Variants in IQCM observed in about 807,000 individuals in gnomAD.
IQCM encodes the protein IQ domain-containing protein M.
IQCM carries 45 observed loss-of-function variants against 57.6 expected under a neutral mutation model. The observed-to-expected ratio is 0.78, with a 90% CI of 0.62 to 1.00. The LOEUF is 1.00. IQCM is among the 50% of genes least tolerant of loss of function. IQCM has a pLI of 0.00. For missense variants in IQCM, 468 were observed against 511.6 expected (o/e 0.91, Z 0.82); for synonymous variants, 148 against 158.9 (o/e 0.93, Z 0.51).
In IQCM at chr4:149,682,120, G is replaced by C; in HGVS notation, c.563C>G (p.Pro188Arg). The C allele has an allele frequency of 4.2e-6, 5 of 1,187,532 alleles. No homozygotes were observed. In the South Asian group the frequency reaches 1.7e-4, roughly 41 times the overall value. The allele number at this position is 1,187,532 out of a possible 1,614,324, so 73.6% of individuals were successfully genotyped here. A position where few individuals can be genotyped will look rare whatever the true frequency, so the allele number is the denominator to read the frequency against. ...GTSNLELLKE[P>R]DKAFYDWRGF... ...CAACATTTATGTATAAGACTCACCAGGTTCTTTCAGAAGTTCCAAGTTAGA... is the reference window on the plus strand; with the variant it reads ...CAACATTTATGTATAAGACTCACCACGTTCTTTCAGAAGTTCCAAGTTAGA... The change falls in exon 7 of 14, where the codon CCT becomes CGT. Residue 188 changes from proline (P) to arginine (R), a missense_variant and splice_region_variant. Coordinates refer to ENST00000636793, the MANE Select transcript of IQCM (RefSeq NM_001363507.2).
intron 8 of IQCM, among the ~76,000 whole-genome samples, chr4:149,596,497 G>A (rs1418668381): frequency 6.6e-6 from 1 of 151,946 alleles, no homozygotes; most frequent in African/African-American, 2.4e-5. Flanking sequence ...GGTAAACATT[G>A]GAACCCAGAG....
chr4:149,803,323 T>C (rs1773780463), intron 2 of IQCM, among the ~76,000 whole-genome samples: 1 of 152,046 alleles, frequency 6.6e-6, no homozygotes, highest in Non-Finnish European at 1.5e-5. Flanking sequence ...TTCCACCATA[T>C]GCATATTACA....
intron 12 of IQCM, among the ~76,000 whole-genome samples, chr4:149,517,470 T>A (rs1437922520): frequency 6.6e-6 from 1 of 152,200 alleles, no homozygotes; most frequent in Non-Finnish European, 1.5e-5. Context: ...GTTGTATTGT[T>A]AGGCATAATT....
intron 7 of IQCM, among the ~76,000 whole-genome samples, chr4:149,637,096 T>C (rs1218290084): frequency 6.8e-6 from 1 of 148,148 alleles, no homozygotes; most frequent in African/African-American, 2.5e-5. Context: ...TGAGCCGAGA[T>C]TGCGCCACTG....
chr4:149,448,383 T>C (rs1460464222), intron 12 of IQCM, among the ~76,000 whole-genome samples: 1 of 151,554 alleles, frequency 6.6e-6, no homozygotes, highest in Non-Finnish European at 1.5e-5. Flanking sequence ...ATAGTACAAA[T>C]GCCTATATTA....
chr4:149,688,413 T>C (rs1687467381), intron 5 of IQCM, among the ~76,000 whole-genome samples: 1 of 151,932 alleles, frequency 6.6e-6, no homozygotes, highest in African/African-American at 2.4e-5. Flanking sequence ...AAAAGACCTC[T>C]ACAAGGAAAA....
intron 7 of IQCM, among the ~76,000 whole-genome samples, chr4:149,677,979 G>A (rs1331607513): frequency 6.6e-6 from 1 of 151,300 alleles, no homozygotes; most frequent in Admixed American, 6.6e-5. Context: ...GAAAATACAT[G>A]GAGAAGAAAA....
chr4:149,499,146 T>A (rs1742980124), intron 12 of IQCM, among the ~76,000 whole-genome samples: 1 of 152,132 alleles, frequency 6.6e-6, no homozygotes, highest in Admixed American at 6.6e-5. Flanking sequence ...TATTCAATTT[T>A]CCAAAAGTCC....
intron 7 of IQCM, among the ~76,000 whole-genome samples, chr4:149,680,470 C>G (rs1762098720): frequency 6.6e-6 from 1 of 150,962 alleles, no homozygotes; most frequent in Non-Finnish European, 1.5e-5. Flanking sequence ...TTTTCTTTAA[C>G]AGTTATTGAG....
chr4:149,432,920 G>T (rs1735005001), intron 13 of IQCM, among the ~76,000 whole-genome samples: 2 of 151,894 alleles, frequency 1.3e-5, no homozygotes, highest in South Asian at 2.1e-4. Context: ...ACCACAAAAA[G>T]CTACCAATAT....
At chr4:149,769,101 A>G (rs965383853) in intron 2 of IQCM, among the ~76,000 whole-genome samples, 1 of 152,098 alleles carries the variant, frequency 6.6e-6, no homozygotes, top group Non-Finnish European at 1.5e-5. Context: ...AATTATTATT[A>G]TAAGTATCAC....
intron 12 of IQCM, among the ~76,000 whole-genome samples, chr4:149,545,783 T>A (rs1329460081): frequency 1.3e-5 from 2 of 151,878 alleles, no homozygotes; most frequent in African/African-American, 4.8e-5. Flanking sequence ...GCAACCTAAG[T>A]GCCTGTCAAC....
chr4:149,742,557 AGT>A (rs1767555498), intron 3 of IQCM, 96 bp downstream of exon 3: 37 of 589,220 alleles, frequency 6.3e-5, no homozygotes, highest in Non-Finnish European at 9.0e-5. Flanking sequence ...TGTGCCAATA[AGT>A]GTAGTGCTCT....
intron 12 of IQCM, among the ~76,000 whole-genome samples, chr4:149,459,092 G>C (rs1738004554): frequency 6.6e-6 from 1 of 152,172 alleles, no homozygotes; most frequent in Non-Finnish European, 1.5e-5. Context: ...TGACTGTGCT[G>C]ACACAACAAT....
chr4:149,646,944 A>G (rs1262857130), intron 7 of IQCM, among the ~76,000 whole-genome samples: 1 of 152,156 alleles, frequency 6.6e-6, no homozygotes, highest in African/African-American at 2.4e-5. Flanking sequence ...GGATAGCACA[A>G]CTGCACTCCA....
chr4:149,504,388 T>A lies in IQCM; in HGVS notation c.1228+44067A>T, dbSNP rs1579289700. On this transcript the variant is annotated intron_variant, in intron 12 of 13. Coordinates refer to ENST00000636793, the MANE Select transcript of IQCM (RefSeq NM_001363507.2). The stretch of plus-strand genomic sequence containing the variant: ...TAATAAATATTTACTGATTACAAAT[T>A]ATGTGTCAGGTACTATTCTAAATGG... 2.0e-5 allele frequency among the ~76,000 whole-genome samples: 3 copies of A among 152,268 alleles called. No homozygotes were observed. In the South Asian group the frequency reaches 6.2e-4, roughly 32 times the overall value.
chr4:149,742,515 A>T (rs1767552537), intron 3 of IQCM, 140 bp downstream of exon 3: 4 of 468,886 alleles, frequency 8.5e-6, no homozygotes, highest in Middle Eastern at 5.7e-4. Context: ...GGTTATTTTT[A>T]AATAAAGGGA....
At chr4:149,777,617 C>T (rs1388008409) in intron 2 of IQCM, among the ~76,000 whole-genome samples, 1 of 152,038 alleles carries the variant, frequency 6.6e-6, no homozygotes, top group Admixed American at 6.6e-5. Flanking sequence ...GCATACGTGA[C>T]CAAAAGCATG....
rs1316852537 is a variant in IQCM at position 149,539,013 on chromosome 4, AATAGGCTTCTCT to A, written c.1228+9430_1228+9441del. On this transcript the variant is annotated intron_variant, in intron 12 of 13. Coordinates refer to ENST00000636793, the MANE Select transcript of IQCM (RefSeq NM_001363507.2). ...ATTGAAACAATATGCAAAAGTTCTGAATAGGCTTCTCTATAGAAGATAAATAAAAATGTCTAG... is the reference window on the plus strand; with the variant it reads ...ATTGAAACAATATGCAAAAGTTCTGAATAGAAGATAAATAAAAATGTCTAG... Among the ~76,000 whole-genome samples, 13 of 152,264 alleles carry A rather than the reference AATAGGCTTCTCT, an allele frequency of 8.5e-5. No homozygotes were observed. In the East Asian group the frequency reaches 2.1e-3, roughly 25 times the overall value.
Sources: allele counts gnomAD v4.1 joint callset (sites outside exome capture counted in the v4.1 genomes callset), GRCh38; gene constraint gnomAD v4.1.1; transcripts MANE v1.5; gene names NCBI Gene and HGNC (gene_info 2026-07-23, HGNC 2026-07-21).